G2E3: variants seen among roughly 807,000 people sequenced by gnomAD.
G2E3 encodes G2/M-phase specific E3 ubiquitin protein ligase, also known as G2/M phase-specific E3 ubiquitin-protein ligase.
A neutral mutation model predicts 92.8 loss-of-function variants in G2E3; 35 were observed. The observed-to-expected ratio is 0.38, with a 90% confidence interval of 0.29 to 0.50. The LOEUF is 0.50. Among genes scored for constraint, G2E3 ranks in the 20% least tolerant of loss-of-function variants. The probability of loss-of-function intolerance (pLI) is 0.94; values close to 1 mark genes in which losing one functional copy is unlikely to be tolerated. For synonymous variants in G2E3, 242 were observed against 272.4 expected, an observed-to-expected ratio of 0.89 and a Z score of 1.10; for missense variants, 554 against 823.8, an observed-to-expected ratio of 0.67 and a Z score of 4.01.
In G2E3 at chr14:30,617,913, G is replaced by T. The variant is rs943572129; in HGVS notation, c.*1379G>T. The T allele has an allele frequency of 2.0e-5, 2 of 100,092 alleles. No homozygotes were observed. The highest frequency in any genetic ancestry group is 1.0e-4 in the Admixed American group (1 of 9,826). The allele number at this position is 100,092 out of a possible 1,614,324, so 6.2% of individuals were successfully genotyped here. On this transcript the variant is annotated 3_prime_UTR_variant, in exon 15 of 15. Coordinates refer to ENST00000206595, the MANE Select transcript of G2E3 (RefSeq NM_017769.5). ...ATTAACATATTTAAATGATATAATG[G>T]TTCAGTTTTCCATGAAAGTAAATCA...
At chr14:30,565,448 T>C (rs1183149032) in intron 1 of G2E3, among the ~76,000 whole-genome samples, 3 of 152,176 alleles carry the variant, frequency 2.0e-5, no homozygotes, top group Non-Finnish European at 2.9e-5. Context: ...TTTTATACTT[T>C]GGTAAAGTTC....
chr14:30,609,958 G>A (rs898056378), intron 12 of G2E3, among the ~76,000 whole-genome samples: 2 of 152,106 alleles, frequency 1.3e-5, no homozygotes, highest in Non-Finnish European at 2.9e-5. Context: ...CAATTAGAAT[G>A]TTGTTCTAAT....
intron 3 of G2E3, among the ~76,000 whole-genome samples, chr14:30,588,144 G>A (rs1369172026): frequency 2.0e-5 from 3 of 151,916 alleles, no homozygotes; most frequent in East Asian, 3.9e-4. Flanking sequence ...ATGTTTATAA[G>A]TTACAGACGA....
In G2E3 at chr14:30,572,720, C is replaced by CT. The variant is rs111659611; in HGVS notation, c.-4-8346dup. ...ATAAATCCAGTTAAGATATATTATC[C>CT]TTTTTTTTTTAATTAAAAGAAAAAC... On this transcript the variant is annotated intron_variant, in intron 1 of 14. Transcript: ENST00000206595. 2.5e-3 allele frequency among the ~76,000 whole-genome samples: 370 copies of CT among 147,692 alleles called. 1 individual carries two copies. The highest frequency in any genetic ancestry group is 0.011 in the South Asian group (51 of 4,644).
chr14:30,565,701 G>A (rs1044473558), intron 1 of G2E3, among the ~76,000 whole-genome samples: 4 of 107,492 alleles, frequency 3.7e-5, no homozygotes, highest in Non-Finnish European at 6.8e-5. Context: ...TCGCTTTGTT[G>A]CCCAGGCTGG....
In G2E3 at chr14:30,597,411, C is replaced by T. The variant is rs749323899; in HGVS notation, c.529-9C>T. On this transcript the variant is annotated splice_polypyrimidine_tract_variant and intron_variant, in intron 6 of 14. Coordinates refer to ENST00000206595, the MANE Select transcript of G2E3 (RefSeq NM_017769.5). ...TCATTAACAGTAGACTTTTTATTTTCCACTGTAGGTTCAAGCAATAAATGC... is the reference window on the plus strand; with the variant it reads ...TCATTAACAGTAGACTTTTTATTTTTCACTGTAGGTTCAAGCAATAAATGC... 3.7e-6 allele frequency: 5 copies of T among 1,363,698 alleles called. No individual in the cohort carries two copies. The East Asian group carries it at 9.2e-5, about 25-fold the overall frequency. The allele number at this position is 1,363,698 out of a possible 1,614,324, so 84.5% of individuals were successfully genotyped here. A position where few individuals can be genotyped will look rare whatever the true frequency, so the allele number is the denominator to read the frequency against.
At chr14:30,562,503 G>A (rs1383309522) in intron 1 of G2E3, among the ~76,000 whole-genome samples, 2 of 152,162 alleles carry the variant, frequency 1.3e-5, no homozygotes, top group Non-Finnish European at 2.9e-5. Context: ...TAACACCAGC[G>A]TCTGGGAAGA....
At chr14:30,615,677 A>G in intron 14 of G2E3, 138 bp downstream of exon 14, 1 of 480,178 alleles carries the variant, frequency 2.1e-6, no homozygotes, top group South Asian at 5.0e-5. Flanking sequence ...AAAGAAAGTT[A>G]TTTCAAAGCA....
At chr14:30,588,265 A>AT (rs950713039) in intron 3 of G2E3, among the ~76,000 whole-genome samples, 1 of 151,946 alleles carries the variant, frequency 6.6e-6, no homozygotes, top group African/African-American at 2.4e-5. Context: ...GGATTATTTT[A>AT]TTTTTTTCTA....
intron 6 of G2E3, among the ~76,000 whole-genome samples, chr14:30,595,375 TA>T: frequency 6.6e-6 from 1 of 152,236 alleles, no homozygotes; most frequent in East Asian, 1.9e-4. Flanking sequence ...GTTAATTTTG[TA>T]GCAGTATGTT....
chr14:30,589,783 A>G (rs972521517), intron 4 of G2E3, among the ~76,000 whole-genome samples: 1 of 152,020 alleles, frequency 6.6e-6, no homozygotes, highest in Non-Finnish European at 1.5e-5. Context: ...TTCTCTGACC[A>G]TCAGAATTAT....
chr14:30,615,826 A>G (rs2138923884), intron 14 of G2E3, among the ~76,000 whole-genome samples: 1 of 152,258 alleles, frequency 6.6e-6, no homozygotes. Context: ...AACAGTTTTA[A>G]TCCTAATAAT....
At chr14:30,606,689 T>G (rs1045222113) in intron 11 of G2E3, among the ~76,000 whole-genome samples, 1 of 152,148 alleles carries the variant, frequency 6.6e-6, no homozygotes, top group Non-Finnish European at 1.5e-5. Flanking sequence ...GATCTCAGTT[T>G]CTTCATCTGT....
At chr14:30,593,392 A>G (rs1459640513) in intron 5 of G2E3, 82 bp from the exon 6 acceptor site, 6 of 657,944 alleles carry the variant, frequency 9.1e-6, no homozygotes, top group Non-Finnish European at 1.6e-5. Context: ...AATGAATTTC[A>G]TTTTATATAT....
chr14:30,615,854 A>G (rs10132255), intron 14 of G2E3, among the ~76,000 whole-genome samples: 5,603 of 152,240 alleles, frequency 0.037, 325 homozygotes, highest in African/African-American at 0.12. Context: ...ATCATTTTCA[A>G]TTTGAAGTTA....
intron 7 of G2E3, chr14:30,598,007 A>G (rs1301111985): frequency 1.3e-5 from 2 of 157,064 alleles, no homozygotes; most frequent in Non-Finnish European, 2.8e-5. Context: ...TAACTGTATG[A>G]TAAAATAACA....
chr14:30,591,514 G>C (rs1361702915), intron 4 of G2E3, among the ~76,000 whole-genome samples: 1 of 152,090 alleles, frequency 6.6e-6, no homozygotes, highest in Non-Finnish European at 1.5e-5. Context: ...TGTCAAAAGG[G>C]TTCCTTCTAG....
At position 30,616,374 on chromosome 14, in the gene G2E3, A is replaced by T. The variant is rs755988824; in HGVS notation, c.1961A>T (p.Glu654Val). Residue 654 changes from glutamate to valine, a missense_variant, in exon 15 of 15, where the codon GAG becomes GTG. Physicochemically the swap from Glu to Val is moderately radical, Grantham distance 121 (BLOSUM62 -2). This residue lies in a region of G2E3 where 397 missense variants were observed against 560.3 expected (regional missense o/e 0.71). Transcript: ENST00000206595. ...GGATTTAAACCCACTCCTTCAATTG[A>T]GTGTCTGCATGTGGATTTTCCTGTT... Reference protein sequence around the residue: ...PAGFKPTPSIECLHVDFPVGN... With the variant: ...PAGFKPTPSIVCLHVDFPVGN... The T allele has an allele frequency of 6.2e-7, 1 of 1,612,534 alleles. No homozygotes were observed. Among genetic ancestry groups the T allele is most frequent in the Non-Finnish European group, 8.5e-7 (1 of 1,178,802 alleles).
chr14:30,603,845 A>G (rs1406466747), intron 10 of G2E3, among the ~76,000 whole-genome samples: 1 of 152,224 alleles, frequency 6.6e-6, no homozygotes, highest in East Asian at 1.9e-4. Context: ...CCTTGTCTCT[A>G]AAAAGTTTCA....
Sources: gnomAD v4.1 joint callset for allele counts (sites outside exome capture counted in the v4.1 genomes callset) on GRCh38, gnomAD v4.1.1 for gene constraint, gnomAD v4.1.1 regional missense constraint, MANE v1.5 for transcripts, NCBI Gene and HGNC (gene_info 2026-07-23, HGNC 2026-07-21) for gene names.